The following RECK variants were observed in gnomAD, a reference collection of about 807,000 sequenced individuals.
The protein encoded by RECK is reversion-inducing cysteine-rich protein with Kazal motifs.
In RECK, 69 loss-of-function variants were observed where a neutral mutation model predicts 115.1. The ratio of observed to expected loss-of-function variants is 0.60; its 90% CI spans 0.49 to 0.73. The LOEUF is 0.73. Ranked by LOEUF, RECK falls within the 30% of genes least tolerant of loss-of-function variation. The pLI, the probability that RECK is intolerant of heterozygous loss-of-function variation, is 0.00. For missense variants in RECK, 1,047 were observed against 1,203.7 expected (o/e 0.87, Z 1.93); for synonymous variants, 414 against 419.7 (o/e 0.99, Z 0.17).
At chr9:36,106,134 C>T (rs1410222171) in intron 13 of RECK, among the ~76,000 whole-genome samples, 3 of 144,302 alleles carry the variant, frequency 2.1e-5, no homozygotes, top group East Asian at 2.1e-4. Flanking sequence ...GGCGTGAACC[C>T]GGGAGGCGGA....
At chr9:36,064,242 A>AT (rs1334652111) in intron 5 of RECK, among the ~76,000 whole-genome samples, 1 of 152,020 alleles carries the variant, frequency 6.6e-6, no homozygotes, top group Admixed American at 6.5e-5. Context: ...CAGTTGGCTC[A>AT]TTTTTTCATC....
At chr9:36,097,139 C>T (rs2147380) in intron 10 of RECK, among the ~76,000 whole-genome samples, 69,539 of 151,844 alleles carry the variant, frequency 0.46, 16,700 homozygotes, top group Non-Finnish European at 0.52. Flanking sequence ...GCCTGGCCAA[C>T]ATGGTGAAAC....
At chr9:36,101,942 C>T (rs182190698) in intron 11 of RECK, 152 bp from the exon 12 acceptor site, 57 of 689,580 alleles carry the variant, frequency 8.3e-5, no homozygotes, top group African/African-American at 7.7e-4. Flanking sequence ...ATTTATTATT[C>T]AACCTGAGCT....
intron 1 of RECK, among the ~76,000 whole-genome samples, chr9:36,042,079 G>A (rs80291899): frequency 0.026 from 3,813 of 147,224 alleles, 165 homozygotes; most frequent in African/African-American, 0.091. Context: ...TTTTTTTTTA[G>A]TAGGTTTTAG....
At chr9:36,081,123 G>T (rs975576658) in intron 7 of RECK, among the ~76,000 whole-genome samples, 2 of 152,106 alleles carry the variant, frequency 1.3e-5, no homozygotes, top group African/African-American at 4.8e-5. Flanking sequence ...AGCTGATCCC[G>T]GGCATGAAGG....
At chr9:36,092,671 C>T (rs1040484661) in intron 10 of RECK, among the ~76,000 whole-genome samples, 7 of 151,460 alleles carry the variant, frequency 4.6e-5, no homozygotes, top group African/African-American at 1.5e-4. Flanking sequence ...GGATTACAGG[C>T]GTGAGCCACC....
intron 16 of RECK, among the ~76,000 whole-genome samples, chr9:36,115,407 G>A (rs1258546241): frequency 6.7e-6 from 1 of 150,114 alleles, no homozygotes; most frequent in East Asian, 1.9e-4. Flanking sequence ...TAAACATTAG[G>A]ACATAACAAC....
At chr9:36,075,438 A>G (rs942477) in intron 6 of RECK, among the ~76,000 whole-genome samples, 46,850 of 152,088 alleles carry the variant, frequency 0.31, 8,500 homozygotes, top group Middle Eastern at 0.47. Context: ...TTATTTGCAT[A>G]TCTGTTGAAA....
intron 10 of RECK, among the ~76,000 whole-genome samples, chr9:36,096,398 A>G (rs951450481): frequency 6.8e-6 from 1 of 146,942 alleles, no homozygotes; most frequent in Non-Finnish European, 1.5e-5. Context: ...CTAGCCGGAC[A>G]TGGTGTCGGG....
At chr9:36,121,509 G>A in intron 19 of RECK, 24 bp from the exon 20 acceptor site, 3 of 1,604,654 alleles carry the variant, frequency 1.9e-6, no homozygotes, top group African/African-American at 1.3e-5. Flanking sequence ...TTTTTTTCAG[G>A]TAATACATGT....
At chr9:36,037,685 G>A (rs1241507284) in intron 1 of RECK, among the ~76,000 whole-genome samples, 2 of 151,986 alleles carry the variant, frequency 1.3e-5, no homozygotes, top group East Asian at 3.9e-4. Flanking sequence ...AGGATGGATA[G>A]GAAACTGTTA....
At chr9:36,056,881 T>G (rs1265784344) in intron 2 of RECK, 1 of 663,366 alleles carries the variant, frequency 1.5e-6, no homozygotes, top group African/African-American at 2.0e-5. Context: ...AATAGTGATA[T>G]TCTATCTCTT....
At chr9:36,046,245 A>G (rs180912673) in intron 1 of RECK, among the ~76,000 whole-genome samples, 1 of 152,164 alleles carries the variant, frequency 6.6e-6, no homozygotes, top group Admixed American at 6.5e-5. Context: ...GGCCTGGGAG[A>G]GTTTTGTTTT....
chr9:36,038,529 G>A (rs931012555), intron 1 of RECK, among the ~76,000 whole-genome samples: 1 of 152,206 alleles, frequency 6.6e-6, no homozygotes, highest in Admixed American at 6.5e-5. Flanking sequence ...CAGTTCTGCA[G>A]GAGGTAGTAC....
At chr9:36,115,342 T>C (rs998481502) in intron 16 of RECK, among the ~76,000 whole-genome samples, 2 of 150,910 alleles carry the variant, frequency 1.3e-5, no homozygotes, top group African/African-American at 4.9e-5. Flanking sequence ...ATAATAATAA[T>C]TGTTAAGAAT....
At chr9:36,122,744 G>C in intron 20 of RECK, 80 bp from the exon 21 acceptor site, 1 of 1,108,758 alleles carries the variant, frequency 9.0e-7, no homozygotes, top group Non-Finnish European at 1.4e-6. Flanking sequence ...CTACTTTTAG[G>C]ATATACGTGG....
rs186810166 is a variant in RECK at position 36,100,718 on chromosome 9, C to T, written c.1298+175C>T. Among the ~76,000 whole-genome samples the T allele has an allele frequency of 8.9e-3, 1,350 of 152,240 alleles. 8 individuals are homozygous for T. Among genetic ancestry groups the T allele is most frequent in the Non-Finnish European group, 0.013 (891 of 68,018 alleles). On this transcript the variant is annotated intron_variant, in intron 11 of 20. Transcript: ENST00000377966. ...AGTTGAAATACTGCTCCCCTCATCA[C>T]CACCTACTGGCTGTCCTTGTCTCCT...
At chr9:36,083,857 C>A (rs1161411571) in intron 8 of RECK, among the ~76,000 whole-genome samples, 1 of 152,090 alleles carries the variant, frequency 6.6e-6, no homozygotes, top group African/African-American at 2.4e-5. Flanking sequence ...TTCAAATTAT[C>A]ATAAGCTTCT....
At chr9:36,116,086 G>A (rs895689542) in intron 16 of RECK, among the ~76,000 whole-genome samples, 3 of 150,214 alleles carry the variant, frequency 2.0e-5, no homozygotes, top group Non-Finnish European at 2.9e-5. Context: ...GGTCTTGTAG[G>A]CACAAAAACC....
Sources: gnomAD v4.1 joint callset for allele counts (sites outside exome capture counted in the v4.1 genomes callset) on GRCh38, gnomAD v4.1.1 for gene constraint, MANE v1.5 for transcripts, NCBI Gene and HGNC (gene_info 2026-07-23, HGNC 2026-07-21) for gene names.